Variants in LRRIQ3 observed in about 807,000 individuals in gnomAD.
The protein encoded by LRRIQ3 is leucine-rich repeat and IQ domain-containing protein 3.
A neutral mutation model predicts 59.3 loss-of-function variants in LRRIQ3; 75 were observed. The ratio of observed to expected loss-of-function variants is 1.26; its 90% CI spans 1.05 to 1.53. LRRIQ3 has a LOEUF of 1.53. LRRIQ3 is among the 40% of genes most tolerant of loss of function. The probability of loss-of-function intolerance (pLI) is 0.00; values close to 1 mark genes in which losing one functional copy is unlikely to be tolerated. For synonymous variants in LRRIQ3, 250 were observed against 231.3 expected (o/e 1.08, Z -0.73); for missense variants, 831 against 710.0 (o/e 1.17, Z -1.94).
intron 7 of LRRIQ3, among the ~76,000 whole-genome samples, chr1:74,032,596 C>G (rs1291712066): frequency 6.6e-6 from 1 of 152,046 alleles, no homozygotes; most frequent in Non-Finnish European, 1.5e-5. Flanking sequence ...CTGATGTTCT[C>G]TTTTGTCTCT....
intron 4 of LRRIQ3, among the ~76,000 whole-genome samples, chr1:74,137,355 C>T (rs920217623): frequency 6.6e-6 from 1 of 152,016 alleles, no homozygotes; most frequent in African/African-American, 2.4e-5. Flanking sequence ...CTCATCATCA[C>T]TGGTCATTAG....
At chr1:74,030,178 A>C (rs2100355101) in intron 7 of LRRIQ3, among the ~76,000 whole-genome samples, 1 of 152,258 alleles carries the variant, frequency 6.6e-6, no homozygotes, top group Admixed American at 6.6e-5. Flanking sequence ...CAATATCATG[A>C]AAATGGTCAT....
intron 3 of LRRIQ3, among the ~76,000 whole-genome samples, chr1:74,178,577 T>C (rs965493494): frequency 2.0e-5 from 3 of 152,208 alleles, no homozygotes; most frequent in African/African-American, 7.2e-5. Flanking sequence ...TACCTTAAAA[T>C]ATCAACCTTG....
At chr1:74,039,115 A>G (rs1297167707) in intron 7 of LRRIQ3, among the ~76,000 whole-genome samples, 1 of 152,234 alleles carries the variant, frequency 6.6e-6, no homozygotes, top group Admixed American at 6.5e-5. Context: ...TAGAATAACC[A>G]GTTTAGAGAG....
intron 3 of LRRIQ3, among the ~76,000 whole-genome samples, chr1:74,156,796 G>A (rs773411291): frequency 5.3e-5 from 8 of 152,052 alleles, no homozygotes. Flanking sequence ...CTCCTTTCCT[G>A]AAAATTTTTA....
intron 5 of LRRIQ3, chr1:74,083,754 A>G (rs1024078136): frequency 2.6e-5 from 4 of 154,088 alleles, no homozygotes; most frequent in African/African-American, 9.6e-5. Context: ...TGAAATAGCC[A>G]ATCTCTCTTA....
intron 6 of LRRIQ3, among the ~76,000 whole-genome samples, chr1:74,066,853 T>C (rs1443882469): frequency 6.6e-6 from 1 of 152,078 alleles, no homozygotes; most frequent in African/African-American, 2.4e-5. Flanking sequence ...TCGTATGTAG[T>C]ATAGCTAGAC....
At chr1:74,151,801 A>G (rs950004965) in intron 4 of LRRIQ3, among the ~76,000 whole-genome samples, 1 of 152,146 alleles carries the variant, frequency 6.6e-6, no homozygotes, top group Non-Finnish European at 1.5e-5. Flanking sequence ...AGAGAGCAAA[A>G]TATCCACATT....
chr1:74,072,652 C>T (rs1340313147), intron 6 of LRRIQ3, among the ~76,000 whole-genome samples: 1 of 151,688 alleles, frequency 6.6e-6, no homozygotes, highest in African/African-American at 2.4e-5. Context: ...TATGGTGGGG[C>T]AATTTATGCT....
chr1:74,122,033 G>A (rs548034411), intron 4 of LRRIQ3, among the ~76,000 whole-genome samples: 103 of 151,954 alleles, frequency 6.8e-4, no homozygotes, highest in Admixed American at 1.1e-3. Flanking sequence ...GAATAGTGCC[G>A]CAATAAACAT....
intron 5 of LRRIQ3, among the ~76,000 whole-genome samples, chr1:74,092,555 G>C (rs1334660583): frequency 1.3e-5 from 2 of 151,960 alleles, no homozygotes; most frequent in African/African-American, 4.8e-5. Flanking sequence ...TGCTGACTGA[G>C]TGTGTTGTGT....
chr1:74,185,460 T>C (rs529196639), intron 1 of LRRIQ3, among the ~76,000 whole-genome samples: 4 of 152,334 alleles, frequency 2.6e-5, no homozygotes, highest in African/African-American at 9.6e-5. Flanking sequence ...GTGAGTTATC[T>C]GTTCAGATCT....
intron 1 of LRRIQ3, among the ~76,000 whole-genome samples, chr1:74,189,774 G>A (rs1183754416): frequency 2.0e-5 from 3 of 152,020 alleles, no homozygotes; most frequent in Admixed American, 6.6e-5. Context: ...CATGTAAGAT[G>A]TGACTTCCAC....
At chr1:74,079,636 ACTTTT>A (rs906800848) in intron 5 of LRRIQ3, among the ~76,000 whole-genome samples, 27 of 151,866 alleles carry the variant, frequency 1.8e-4, no homozygotes, top group South Asian at 1.2e-3. Context: ...AAGGGCAAGG[ACTTTT>A]CTTTTCTTTT....
At chr1:74,059,106 G>GGT (rs1654624623) in intron 6 of LRRIQ3, among the ~76,000 whole-genome samples, 1 of 51,280 alleles carries the variant, frequency 2.0e-5, no homozygotes, top group Non-Finnish European at 7.4e-5. Context: ...GTCCATAGCA[G>GGT]ATATGTTATT....
At chr1:74,075,908 G>C (rs940885203) in intron 5 of LRRIQ3, among the ~76,000 whole-genome samples, 15 of 152,134 alleles carry the variant, frequency 9.9e-5, no homozygotes, top group Non-Finnish European at 2.9e-5. Flanking sequence ...GGAGGAAAAG[G>C]GAAATGACAA....
intron 6 of LRRIQ3, among the ~76,000 whole-genome samples, chr1:74,049,575 A>C (rs1654301315): frequency 1.3e-5 from 2 of 152,194 alleles, no homozygotes; most frequent in Admixed American, 1.3e-4. Context: ...GAATGGTAGC[A>C]TTTTGGCTTG....
At chr1:74,037,195 G>C (rs1441271448) in intron 7 of LRRIQ3, among the ~76,000 whole-genome samples, 1 of 152,138 alleles carries the variant, frequency 6.6e-6, no homozygotes, top group Non-Finnish European at 1.5e-5. Context: ...GAAAGATGGA[G>C]TGAATAATAC....
chr1:74,087,624 C>CTT (rs1646342447), intron 5 of LRRIQ3, among the ~76,000 whole-genome samples: 1 of 151,802 alleles, frequency 6.6e-6, no homozygotes, highest in Non-Finnish European at 1.5e-5. Flanking sequence ...ATCTTTAGTA[C>CTT]TTATGTAAAA....
Sources: gnomAD v4.1 joint callset for allele counts (sites outside exome capture counted in the v4.1 genomes callset) on GRCh38, gnomAD v4.1.1 for gene constraint, MANE v1.5 for transcripts, NCBI Gene and HGNC (gene_info 2026-07-23, HGNC 2026-07-21) for gene names.